The following PCDHA2 variants were observed in gnomAD, a reference collection of about 807,000 sequenced individuals.
PCDHA2 encodes protocadherin alpha-2.
Under a neutral mutation model 66.0 loss-of-function variants are expected in PCDHA2, and 58 were observed. That is an observed-to-expected ratio of 0.88 (90% CI 0.71 to 1.09). The LOEUF (loss-of-function observed/expected upper bound fraction) is 1.09. Ranked by LOEUF, PCDHA2 falls within the 50% of genes least tolerant of loss-of-function variation. The pLI is 0.00. For missense variants in PCDHA2, 1,267 were observed against 1,242.3 expected, an observed-to-expected ratio of 1.02 and a Z score of -0.30; for synonymous variants, 634 against 554.0, an observed-to-expected ratio of 1.14 and a Z score of -2.03.
At chr5:140,849,855 G>T (rs2150454163) in intron 1 of PCDHA2, 3 of 1,598,654 alleles carry the variant, frequency 1.9e-6, no homozygotes, top group Non-Finnish European at 2.6e-6. Flanking sequence ...CAACGCACCA[G>T]CGTTCGCGCA....
intron 1 of PCDHA2, chr5:140,807,019 G>A: frequency 1.2e-6 from 1 of 815,356 alleles, no homozygotes; most frequent in East Asian, 2.6e-5. Flanking sequence ...AAATACATGA[G>A]AGAAGGAGGA....
intron 3 of PCDHA2, among the ~76,000 whole-genome samples, chr5:140,993,652 T>C (rs1174007185): frequency 6.6e-6 from 1 of 152,172 alleles, no homozygotes; most frequent in Admixed American, 6.5e-5. Flanking sequence ...AATGACACTT[T>C]GGTTAACAAT....
At chr5:140,876,581 C>A in intron 1 of PCDHA2, 2 of 1,614,200 alleles carry the variant, frequency 1.2e-6, no homozygotes, top group Non-Finnish European at 1.7e-6. Flanking sequence ...ACCGTCATTG[C>A]CCTGATTAGC....
intron 1 of PCDHA2, chr5:140,876,123 C>T (rs782271666): frequency 6.2e-7 from 1 of 1,613,906 alleles, no homozygotes; most frequent in East Asian, 2.2e-5. Flanking sequence ...TAATCGATGG[C>T]GGTAAACCAG....
chr5:140,967,515 C>G, intron 1 of PCDHA2: 1 of 1,612,792 alleles, frequency 6.2e-7, no homozygotes, highest in Non-Finnish European at 8.5e-7. Flanking sequence ...GTCCTGGACA[C>G]TAACGACAAC....
intron 1 of PCDHA2, chr5:140,929,452 T>C: frequency 1.5e-6 from 2 of 1,366,592 alleles, no homozygotes; most frequent in Non-Finnish European, 2.0e-6. Context: ...TTCTTAGCAC[T>C]TCCTGTGCCA....
intron 1 of PCDHA2, chr5:140,927,089 T>G: frequency 6.2e-7 from 1 of 1,612,460 alleles, no homozygotes; most frequent in Non-Finnish European, 8.5e-7. Flanking sequence ...GAGCTCTACT[T>G]CGGGGTGGAT....
At chr5:140,932,066 G>C (rs1196454003) in intron 1 of PCDHA2, among the ~76,000 whole-genome samples, 1 of 151,752 alleles carries the variant, frequency 6.6e-6, no homozygotes, top group Non-Finnish European at 1.5e-5. Flanking sequence ...AAAATTATCA[G>C]TTTAAGAAAT....
chr5:140,904,738 A>T (rs1373664313), intron 1 of PCDHA2, among the ~76,000 whole-genome samples: 1 of 152,012 alleles, frequency 6.6e-6, no homozygotes, highest in African/African-American at 2.4e-5. Context: ...TTATTTTTTT[A>T]TTATGACCAT....
chr5:140,969,704 T>A (rs1317094729), intron 1 of PCDHA2, among the ~76,000 whole-genome samples: 2 of 152,172 alleles, frequency 1.3e-5, no homozygotes, highest in African/African-American at 4.8e-5. Context: ...TGCTGTATCA[T>A]CTACAGGGAA....
rs2150161509 is a variant in PCDHA2, at chr5:140,828,980, C to T, written c.2388+31628C>T. On this transcript the variant is annotated intron_variant, in intron 1 of 3. Transcript: ENST00000526136. ...GGTTATTGACCACTTTAGCATAGAT[C>T]GAAATACGGGAGAAATAGTGATTCG... 18 of 1,613,888 alleles carry T rather than the reference C, an allele frequency of 1.1e-5. No homozygotes were observed. In the African/African-American group the frequency reaches 1.7e-4, roughly 16 times the overall value.
At chr5:140,871,202 T>C in intron 1 of PCDHA2, 1 of 1,613,730 alleles carries the variant, frequency 6.2e-7, no homozygotes, top group Non-Finnish European at 8.5e-7. Context: ...GTGTACCTGA[T>C]CATCGCCATC....
chr5:140,807,501 A>C, intron 1 of PCDHA2: 1 of 1,613,786 alleles, frequency 6.2e-7, no homozygotes, highest in Non-Finnish European at 8.5e-7. Context: ...TGCAGCATCC[A>C]CCTGGAGGTG....
At chr5:140,966,697 G>T (rs2096039921) in intron 1 of PCDHA2, 1 of 1,363,184 alleles carries the variant, frequency 7.3e-7, no homozygotes, top group Admixed American at 3.6e-5. Context: ...GCGGGGCCCG[G>T]GCGTGGGGCA....
chr5:140,906,271 T>A (rs2072508162), intron 1 of PCDHA2, among the ~76,000 whole-genome samples: 1 of 152,180 alleles, frequency 6.6e-6, no homozygotes, highest in African/African-American at 2.4e-5. Flanking sequence ...AAATTATAGA[T>A]AATCTTCAAA....
At chr5:140,982,984 G>A (rs558088522) in intron 3 of PCDHA2, among the ~76,000 whole-genome samples, 11 of 151,694 alleles carry the variant, frequency 7.3e-5, no homozygotes, top group Non-Finnish European at 1.5e-4. Flanking sequence ...GAAAGAAAGA[G>A]AAAAAGAAGG....
chr5:140,807,352 G>T (rs11167605), intron 1 of PCDHA2: 581,450 of 1,607,716 alleles, frequency 0.36, 110,207 homozygotes, highest in East Asian at 0.49. Flanking sequence ...TGGGACTGGA[G>T]CTGGCGGAGC....
At chr5:141,004,142 G>C (rs1323224367) in intron 3 of PCDHA2, among the ~76,000 whole-genome samples, 1 of 152,214 alleles carries the variant, frequency 6.6e-6, no homozygotes, top group African/African-American at 2.4e-5. Flanking sequence ...TGCCCCAAAG[G>C]CATGACATTT....
In PCDHA2 at chr5:140,823,672, A is replaced by G. The variant is rs946828045; in HGVS notation, c.2388+26320A>G. 6 of 1,614,048 alleles carry G rather than the reference A, an allele frequency of 3.7e-6. No individual in the cohort carries two copies. Among genetic ancestry groups the G allele is most frequent in the Non-Finnish European group, 5.1e-6 (6 of 1,179,960 alleles). On this transcript the variant is annotated intron_variant, in intron 1 of 3. Coordinates refer to ENST00000526136, the MANE Select transcript of PCDHA2 (RefSeq NM_018905.3). Reference sequence around the variant, plus strand: ...GCTGTACACAGGCGAGATCAGCACAACACGCTCTCTGGATGAGACCGAAGC... The same window carrying G: ...GCTGTACACAGGCGAGATCAGCACAGCACGCTCTCTGGATGAGACCGAAGC...
Sources: allele counts gnomAD v4.1 joint callset (sites outside exome capture counted in the v4.1 genomes callset), GRCh38; gene constraint gnomAD v4.1.1; transcripts MANE v1.5; gene names NCBI Gene and HGNC (gene_info 2026-07-23, HGNC 2026-07-21).